The following CCDC91 variants were observed in gnomAD, a reference collection of about 807,000 sequenced individuals.
CCDC91 encodes coiled-coil domain-containing protein 91.
CCDC91 carries 48 observed loss-of-function variants against 63.2 expected under a neutral mutation model. The ratio of observed to expected loss-of-function variants is 0.76; its 90% confidence interval spans 0.60 to 0.97. The LOEUF is 0.97. Among genes scored for constraint, CCDC91 ranks in the 50% least tolerant of loss-of-function variants. The probability of loss-of-function intolerance (pLI) is 0.00; values close to 1 mark genes in which losing one functional copy is unlikely to be tolerated. For missense variants in CCDC91, 500 were observed against 494.6 expected, an observed-to-expected ratio of 1.01 and a Z score of -0.10; for synonymous variants, 167 against 165.8, an observed-to-expected ratio of 1.01 and a Z score of -0.06.
intron 12 of CCDC91, among the ~76,000 whole-genome samples, chr12:28,487,857 C>T (rs1202252404): frequency 1.3e-5 from 2 of 151,786 alleles, no homozygotes; most frequent in Admixed American, 1.3e-4. Context: ...TTTCATTAGA[C>T]ATCATCATAC....
intron 8 of CCDC91, among the ~76,000 whole-genome samples, chr12:28,429,889 A>G (rs370762980): frequency 2.6e-5 from 4 of 152,184 alleles, no homozygotes; most frequent in South Asian, 4.1e-4. Flanking sequence ...CTTGTAGTCA[A>G]TCTGTAATGT....
chr12:28,302,632 G>C (rs1477243544), intron 3 of CCDC91: 35 of 983,454 alleles, frequency 3.6e-5, no homozygotes, highest in Non-Finnish European at 4.0e-5. Context: ...GGGAATGTTA[G>C]TAGTATGGTG....
In CCDC91 at chr12:28,340,838, T is replaced by C. The variant is rs114620104; in HGVS notation, c.577-21600T>C. Among the ~76,000 whole-genome samples the C allele has an allele frequency of 2.3e-3, 345 of 152,312 alleles. 3 individuals carry two copies. The highest frequency in any genetic ancestry group is 8.0e-3 in the African/African-American group (333 of 41,566). On this transcript the variant is annotated intron_variant, in intron 6 of 12. Transcript: ENST00000536442. Reference sequence around the variant, plus strand: ...AGTCAGCTTAATTAGACCCCCTGCCTATGGCAAGGACAGAGGGCTTTCTGT... The same window carrying C: ...AGTCAGCTTAATTAGACCCCCTGCCCATGGCAAGGACAGAGGGCTTTCTGT...
chr12:28,431,665 CCT>C lies in CCDC91; in HGVS notation c.763-18495_763-18494del, dbSNP rs1948633750. Among the ~76,000 whole-genome samples the C allele has an allele frequency of 2.0e-5, 3 of 152,114 alleles. No individual in the cohort carries two copies. The South Asian group carries it at 6.2e-4, about 32-fold the overall frequency. On this transcript the variant is annotated intron_variant, in intron 8 of 12. Transcript: ENST00000536442. ...AAGTGCAGAAAGTTCCCATATACCT[CCT>C]GTCCCCCAAAGTGACCTCTCTGCCA...
intron 11 of CCDC91, among the ~76,000 whole-genome samples, chr12:28,467,422 A>G (rs1950600166): frequency 6.6e-6 from 1 of 152,100 alleles, no homozygotes; most frequent in African/African-American, 2.4e-5. Flanking sequence ...AGTTTTAAGT[A>G]TATATTCATG....
chr12:28,439,965 T>C (rs1743770805), intron 8 of CCDC91, among the ~76,000 whole-genome samples: 1 of 151,064 alleles, frequency 6.6e-6, no homozygotes, highest in Non-Finnish European at 1.5e-5. Context: ...ATTTCTTCAA[T>C]TTGCTAAAAA....
chr12:28,267,751 CTATATAATTA>C (rs36014946), intron 3 of CCDC91, among the ~76,000 whole-genome samples: 10,445 of 51,812 alleles, frequency 0.2, 2,167 homozygotes, highest in Non-Finnish European at 0.3. Flanking sequence ...TTATATATTA[CTATATAATTA>C]TATATAATTA....
At chr12:28,227,343 T>C (rs1157539006) in intron 1 of CCDC91, among the ~76,000 whole-genome samples, 1 of 152,150 alleles carries the variant, frequency 6.6e-6, no homozygotes, top group Non-Finnish European at 1.5e-5. Context: ...ATGATGACCA[T>C]GGATATTTAT....
At chr12:28,208,215 C>A (rs1467524082) in intron 1 of CCDC91, among the ~76,000 whole-genome samples, 1 of 152,138 alleles carries the variant, frequency 6.6e-6, no homozygotes, top group Admixed American at 6.6e-5. Context: ...GAAACTGCAT[C>A]AGCATTAAGC....
chr12:28,405,480 C>T (rs1295058905), intron 8 of CCDC91, among the ~76,000 whole-genome samples: 1 of 152,046 alleles, frequency 6.6e-6, no homozygotes, highest in Non-Finnish European at 1.5e-5. Flanking sequence ...GATGCTTTTT[C>T]CATGTTTATG....
rs1040853044 is a variant in CCDC91, at chr12:28,307,687, G to A, written c.514G>A (p.Gly172Ser). ...GGAAAAGCATAATGTCTTAGAAAAA[G>A]GCTTTCTAAAAGAAAAAGAGCAAGA... ...LMEKHNVLEK[G>S]FLKEKEQEAI... The change falls in exon 6 of 13, where the codon GGC becomes AGC. Residue 172 changes from glycine (G) to serine (S), a missense_variant. By Grantham distance (56) the Gly-to-Ser change is moderately conservative. Coordinates refer to ENST00000536442, the MANE Select transcript of CCDC91 (RefSeq NM_018318.5). 6 of 1,588,900 alleles carry A rather than the reference G, an allele frequency of 3.8e-6. No individual in the cohort carries two copies. Among genetic ancestry groups the A allele is most frequent in the Admixed American group, 1.8e-5 (1 of 56,194 alleles).
chr12:28,194,813 T>TG lies in CCDC91; in HGVS notation c.-15+4173dup, dbSNP rs544797070. ...AGCTGTAGACCTTTGTGGTGGGTGT[T>TG]GCAGCTCATTGTTATAGCTCGTAAA... On this transcript the variant is annotated intron_variant, in intron 1 of 12. Transcript: ENST00000536442. Among the ~76,000 whole-genome samples, 16 of 152,132 alleles carry TG rather than the reference T, an allele frequency of 1.1e-4. No individual in the cohort carries two copies. The South Asian group carries it at 3.1e-3, about 30-fold the overall frequency.
chr12:28,233,256 C>T (rs1461021449), intron 1 of CCDC91, among the ~76,000 whole-genome samples: 1 of 152,078 alleles, frequency 6.6e-6, no homozygotes, highest in Admixed American at 6.6e-5. Flanking sequence ...TACCATTCTC[C>T]CCCAACCCCT....
intron 12 of CCDC91, among the ~76,000 whole-genome samples, chr12:28,502,887 A>G (rs889023502): frequency 1.3e-5 from 2 of 148,390 alleles, no homozygotes; most frequent in African/African-American, 5.0e-5. Context: ...CATATGTAGA[A>G]AGCTGAAACT....
At position 28,549,075 on chromosome 12, in the gene CCDC91, A is replaced by G. The variant is rs1161039394; in HGVS notation, c.1228A>G (p.Ile410Val). The G allele has an allele frequency of 1.9e-6, 3 of 1,610,314 alleles. No homozygotes were observed. Among genetic ancestry groups the G allele is most frequent in the Non-Finnish European group, 2.5e-6 (3 of 1,177,326 alleles). ...IKEQKRLDQV[I>V]RQRSLSSLEL... ...AAAAATTAAACAGCTCGATCAAGTC[A>G]TCCGCCAAAGAAGCCTGTCCAGTTT... Residue 410 changes from isoleucine to valine, a missense_variant, in exon 13 of 13, where the codon ATC becomes GTC. By Grantham distance (29) the Ile-to-Val change is conservative. Transcript: ENST00000536442.
chr12:28,399,882 G>A (rs1327080338), intron 8 of CCDC91, among the ~76,000 whole-genome samples: 1 of 152,178 alleles, frequency 6.6e-6, no homozygotes, highest in Non-Finnish European at 1.5e-5. Flanking sequence ...CAGGGTACAG[G>A]CCTCCTCCTG....
chr12:28,323,979 G>A (rs11049532), intron 6 of CCDC91, among the ~76,000 whole-genome samples: 30,450 of 151,888 alleles, frequency 0.2, 4,002 homozygotes, highest in Non-Finnish European at 0.3. Flanking sequence ...TAGCAGTTGA[G>A]TAACACTAAA....
rs372772441 is a variant in CCDC91 at position 28,501,521 on chromosome 12, G to A, written c.1215+17356G>A. On this transcript the variant is annotated intron_variant, in intron 12 of 12. Transcript: ENST00000536442. ...TGCTGGATTACATTTATTGCTTTGC[G>A]TATATTGAACCAGCCTTGCATCCCA... 1.2e-3 allele frequency among the ~76,000 whole-genome samples: 177 copies of A among 151,990 alleles called. 2 individuals are homozygous for A. Among genetic ancestry groups the A allele is most frequent in the African/African-American group, 4.0e-3 (167 of 41,494 alleles).
intron 3 of CCDC91, among the ~76,000 whole-genome samples, chr12:28,304,375 TAAAAAAAAAAAAAAAAAAAAAAAAAAG>T (rs1239350603): frequency 1.2e-4 from 9 of 73,596 alleles, no homozygotes; most frequent in South Asian, 9.1e-4. Flanking sequence ...AGACTCCGTC[TAAAAAAAAAAAAAAAAAAAAAAAAAAG>T]AAAAAAAAAA....
Sources: allele counts gnomAD v4.1 joint callset (sites outside exome capture counted in the v4.1 genomes callset), GRCh38; gene constraint gnomAD v4.1.1; transcripts MANE v1.5; gene names NCBI Gene and HGNC (gene_info 2026-07-23, HGNC 2026-07-21).